The following HCN1 variants were observed in gnomAD, a reference collection of about 807,000 sequenced individuals.
The protein encoded by HCN1 is potassium/sodium hyperpolarization-activated cyclic nucleotide-gated channel 1.
In HCN1, 13 loss-of-function variants were observed where a neutral mutation model predicts 78.9. The ratio of observed to expected loss-of-function variants is 0.16; its 90% CI spans 0.11 to 0.26. The LOEUF (loss-of-function observed/expected upper bound fraction) is 0.26. Ranked by LOEUF, HCN1 falls within the 10% of genes least tolerant of loss-of-function variation. HCN1 has a pLI of 1.00. For synonymous variants in HCN1, 552 were observed against 455.5 expected, an observed-to-expected ratio of 1.21 and a Z score of -2.70; for missense variants, 810 against 1,154.3, an observed-to-expected ratio of 0.70 and a Z score of 4.32.
At chr5:45,348,700 A>ATG (rs1746808073) in intron 5 of HCN1, among the ~76,000 whole-genome samples, 3 of 152,112 alleles carry the variant, frequency 2.0e-5, no homozygotes, top group African/African-American at 7.2e-5. Flanking sequence ...ATGGAAAACA[A>ATG]AAAAAAGGCA....
chr5:45,466,296 A>G (rs1390427731), intron 2 of HCN1, among the ~76,000 whole-genome samples: 2 of 152,106 alleles, frequency 1.3e-5, no homozygotes, highest in African/African-American at 2.4e-5. Context: ...TATTTGTTCT[A>G]TTTTGTCTTC....
At chr5:45,580,787 T>A (rs1197735038) in intron 2 of HCN1, among the ~76,000 whole-genome samples, 1 of 151,946 alleles carries the variant, frequency 6.6e-6, no homozygotes, top group Admixed American at 6.6e-5. Flanking sequence ...GAACATGCGG[T>A]GTTTGGTTTT....
rs1744628157 is a variant in HCN1, at chr5:45,256,983, A to G, written c.*4938T>C. On this transcript the variant is annotated 3_prime_UTR_variant, in exon 8 of 8. Coordinates refer to ENST00000303230, the MANE Select transcript of HCN1 (RefSeq NM_021072.4). ...CTTCCCTGCCGCAATATATTATCTTACGCAAAGCAAGTAAACTTTCAGTTT... is the reference window on the plus strand; with the variant it reads ...CTTCCCTGCCGCAATATATTATCTTGCGCAAAGCAAGTAAACTTTCAGTTT... 1 of 152,192 alleles carries G rather than the reference A, an allele frequency of 6.6e-6. No homozygotes were observed. The highest frequency in any genetic ancestry group is 6.5e-5 in the Admixed American group (1 of 15,284). The allele number at this position is 152,192 out of a possible 1,614,324, so 9.4% of individuals were successfully genotyped here. A position where few individuals can be genotyped will look rare whatever the true frequency, so the allele number is the denominator to read the frequency against.
chr5:45,459,936 A>T (rs1185644604), intron 3 of HCN1, among the ~76,000 whole-genome samples: 1 of 152,152 alleles, frequency 6.6e-6, no homozygotes, highest in African/African-American at 2.4e-5. Context: ...AAAGATAAGT[A>T]AAGTGACAGA....
chr5:45,668,715 G>A (rs1315657959), intron 1 of HCN1, among the ~76,000 whole-genome samples: 3 of 151,874 alleles, frequency 2.0e-5, no homozygotes, highest in African/African-American at 7.2e-5. Context: ...GATGTTAGGA[G>A]ATAAGCAAGT....
At chr5:45,388,424 A>G (rs181967499) in intron 4 of HCN1, among the ~76,000 whole-genome samples, 4 of 152,320 alleles carry the variant, frequency 2.6e-5, no homozygotes, top group Admixed American at 1.3e-4. Flanking sequence ...GAGCTGGAAG[A>G]CAAACATGTC....
chr5:45,309,414 G>C (rs1745804629), intron 5 of HCN1, among the ~76,000 whole-genome samples: 1 of 152,108 alleles, frequency 6.6e-6, no homozygotes, highest in African/African-American at 2.4e-5. Context: ...TTGAATAAGA[G>C]TGGTGAGAGA....
chr5:45,463,472 C>T (rs1741206899), intron 2 of HCN1, among the ~76,000 whole-genome samples: 1 of 151,912 alleles, frequency 6.6e-6, no homozygotes, highest in Non-Finnish European at 1.5e-5. Flanking sequence ...ATTTTAAGGG[C>T]AACAGACCAC....
chr5:45,469,065 T>C lies in HCN1; in HGVS notation c.850-7058A>G, dbSNP rs988320778. On this transcript the variant is annotated intron_variant, in intron 2 of 7. Coordinates refer to ENST00000303230, the MANE Select transcript of HCN1 (RefSeq NM_021072.4). ...GATAGGTGACATTTTGGTATAGTTA[T>C]ATTTTAATATTATAGAGTCATATTT... 4.6e-5 allele frequency among the ~76,000 whole-genome samples: 7 copies of C among 152,116 alleles called. No homozygotes were observed. The East Asian group carries it at 1.4e-3, about 29-fold the overall frequency.
chr5:45,503,867 C>A lies in HCN1; in HGVS notation c.850-41860G>T, dbSNP rs572256341. Among the ~76,000 whole-genome samples the A allele has an allele frequency of 4.6e-5, 7 of 151,612 alleles. No individual in the cohort carries two copies. In the East Asian group the frequency reaches 1.4e-3, roughly 30 times the overall value. On this transcript the variant is annotated intron_variant, in intron 2 of 7. Coordinates refer to ENST00000303230, the MANE Select transcript of HCN1 (RefSeq NM_021072.4). ...ATGGTGCCATCTCGGCTCACTGCAA[C>A]CTCCACCTCCCAGGTTCAGGCGATT...
chr5:45,373,288 A>G lies in HCN1; in HGVS notation c.1231-20042T>C, dbSNP rs1246585721. 7.7e-5 allele frequency among the ~76,000 whole-genome samples: 9 copies of G among 116,568 alleles called. No homozygotes were observed. In the South Asian group the frequency reaches 2.2e-3, roughly 28 times the overall value. The allele number at this position is 116,568 out of a possible 152,430, so 76.5% of individuals were successfully genotyped here. On this transcript the variant is annotated intron_variant, in intron 4 of 7. Transcript: ENST00000303230. ...ATATTATATATATTTTATATTATAT[A>G]TTATATATATTTTATATACTATATA... is the stretch of plus-strand genomic sequence containing the variant.
rs574208120 is a variant in HCN1 at position 45,511,847 on chromosome 5, G to A, written c.850-49840C>T. Among the ~76,000 whole-genome samples, 16 of 152,094 alleles carry A rather than the reference G, an allele frequency of 1.1e-4. No individual in the cohort carries two copies. The South Asian group carries it at 1.2e-3, about 12-fold the overall frequency. ...TCTATCAGTATTGGTTCGTTAGTTC[G>A]TCAGATGTATCAGAGTAAGATGTTA... is the stretch of plus-strand genomic sequence containing the variant. On this transcript the variant is annotated intron_variant, in intron 2 of 7. Transcript: ENST00000303230.
chr5:45,401,455 TC>T (rs1216446476), intron 3 of HCN1, among the ~76,000 whole-genome samples: 2 of 152,132 alleles, frequency 1.3e-5, no homozygotes, highest in African/African-American at 4.8e-5. Context: ...CTATTGACCT[TC>T]TAATCATATA....
At chr5:45,692,486 T>A (rs1249343299) in intron 1 of HCN1, among the ~76,000 whole-genome samples, 1 of 152,220 alleles carries the variant, frequency 6.6e-6, no homozygotes, top group Admixed American at 6.5e-5. Context: ...TACCACAGCA[T>A]AAACAAAAAC....
intron 2 of HCN1, among the ~76,000 whole-genome samples, chr5:45,505,774 A>G (rs1742285027): frequency 6.6e-6 from 1 of 152,170 alleles, no homozygotes; most frequent in African/African-American, 2.4e-5. Context: ...ATATAGGTAT[A>G]TGTAAATATA....
chr5:45,509,651 A>G (rs1742371517), intron 2 of HCN1, among the ~76,000 whole-genome samples: 1 of 152,140 alleles, frequency 6.6e-6, no homozygotes, highest in Non-Finnish European at 1.5e-5. Context: ...GGAGAGACTG[A>G]TATATTCTAA....
At chr5:45,592,037 A>G (rs775002167) in intron 2 of HCN1, among the ~76,000 whole-genome samples, 1 of 151,948 alleles carries the variant, frequency 6.6e-6, no homozygotes, top group African/African-American at 2.4e-5. Context: ...TTCCAGCACC[A>G]TTTGTTGAAA....
chr5:45,682,766 GA>G (rs1399110210), intron 1 of HCN1, among the ~76,000 whole-genome samples: 5 of 151,382 alleles, frequency 3.3e-5, no homozygotes, highest in Admixed American at 1.3e-4. Context: ...CATGTTCTAT[GA>G]AAAAAAAGGC....
At chr5:45,323,738 C>T (rs980764373) in intron 5 of HCN1, among the ~76,000 whole-genome samples, 27 of 151,790 alleles carry the variant, frequency 1.8e-4, no homozygotes, top group African/African-American at 6.3e-4. Flanking sequence ...ACGACAGGCC[C>T]GGTGTGTGAT....
Sources: allele counts gnomAD v4.1 joint callset (sites outside exome capture counted in the v4.1 genomes callset), GRCh38; gene constraint gnomAD v4.1.1; transcripts MANE v1.5; gene names NCBI Gene and HGNC (gene_info 2026-07-23, HGNC 2026-07-21).